The following TOP3A variants were observed in gnomAD, a reference collection of about 807,000 sequenced individuals.
The protein encoded by TOP3A is DNA topoisomerase 3-alpha.
In TOP3A, 64 loss-of-function variants were observed where a neutral mutation model predicts 111.3. That is an observed-to-expected ratio of 0.57 (90% CI 0.47 to 0.71). TOP3A has a LOEUF of 0.71. Among genes scored for constraint, TOP3A ranks in the 30% least tolerant of loss-of-function variants. The probability of loss-of-function intolerance (pLI) is 0.00; values close to 1 mark genes in which losing one functional copy is unlikely to be tolerated. For missense variants in TOP3A, 1,104 were observed against 1,285.0 expected, an observed-to-expected ratio of 0.86 and a Z score of 2.15; for synonymous variants, 484 against 485.1, an observed-to-expected ratio of 1.00 and a Z score of 0.03.
At position 18,290,626 on chromosome 17, in the gene TOP3A, C is replaced by T. The variant is rs765257578; in HGVS notation, c.1528G>A (p.Gly510Arg). The T allele has an allele frequency of 1.4e-5, 23 of 1,611,634 alleles. No homozygotes were observed. Among genetic ancestry groups the T allele is most frequent in the Admixed American group, 5.0e-5 (3 of 59,712 alleles). The part of the protein sequence containing the change: ...FQPSTVEMVD[G>R]ETSPPKLLTE... ...AGCAGCTTGGGTGGGCTGGTCTCCC[C>T]GTCCACCATCTCCACGGTGCTGGGC... The change falls in exon 13 of 19, where the codon GGG becomes AGG. Residue 510 changes from glycine (G) to arginine (R), a missense_variant. By Grantham distance (125) the Gly-to-Arg change is moderately radical. Transcript: ENST00000321105.
chr17:18,313,725 T>C (rs1424328189), intron 1 of TOP3A, among the ~76,000 whole-genome samples: 1 of 152,108 alleles, frequency 6.6e-6, no homozygotes, highest in East Asian at 1.9e-4. Flanking sequence ...CTTCTAGCAC[T>C]GGAAACAGGT....
At chr17:18,281,267 G>GA (rs975105425) in intron 16 of TOP3A, among the ~76,000 whole-genome samples, 3 of 151,334 alleles carry the variant, frequency 2.0e-5, no homozygotes, top group Non-Finnish European at 4.4e-5. Context: ...CACTATGAAG[G>GA]AAAAAAAAGC....
chr17:18,277,311 A>T (rs1021278373), intron 18 of TOP3A, among the ~76,000 whole-genome samples: 10 of 151,954 alleles, frequency 6.6e-5, no homozygotes, highest in African/African-American at 2.2e-4. Context: ...GTCTGTTGCT[A>T]TGGGACCCTG....
chr17:18,302,006 C>G (rs763854634), intron 7 of TOP3A, 21 bp from the exon 8 acceptor site: 11 of 1,601,788 alleles, frequency 6.9e-6, no homozygotes, highest in Non-Finnish European at 8.6e-6. Context: ...GAGAGACAAA[C>G]AGAAAGGCTG....
intron 7 of TOP3A, 75 bp from the exon 8 acceptor site, chr17:18,302,060 A>T: frequency 6.7e-7 from 1 of 1,485,588 alleles, no homozygotes; most frequent in Non-Finnish European, 9.3e-7. Context: ...AAAAAGGTTT[A>T]TTGTGGTGAA....
intron 8 of TOP3A, among the ~76,000 whole-genome samples, chr17:18,301,225 T>C (rs1053760785): frequency 1.3e-5 from 2 of 152,234 alleles, no homozygotes; most frequent in East Asian, 3.9e-4. Context: ...GGAAGTGGCA[T>C]CAGAAAGTAA....
chr17:18,278,500 T>A, intron 17 of TOP3A, 143 bp from the exon 18 acceptor site: 1 of 646,388 alleles, frequency 1.5e-6, no homozygotes, highest in South Asian at 3.0e-5. Context: ...TGTGAGGCCC[T>A]CTATCAGCCC....
At chr17:18,280,321 C>A in intron 17 of TOP3A, 1 of 440,786 alleles carries the variant, frequency 2.3e-6, no homozygotes, top group Non-Finnish European at 4.1e-6. Flanking sequence ...TTGCCCATGG[C>A]CCACTCCAAA....
Position 18,278,310 on chromosome 17 carries a change from A to G in TOP3A, c.2192T>C (p.Leu731Pro). 1 of 1,520,616 alleles carries G rather than the reference A, an allele frequency of 6.6e-7. No homozygotes were observed. The highest frequency in any genetic ancestry group is 8.8e-7 in the Non-Finnish European group (1 of 1,134,418). 94.2% of individuals were successfully genotyped at this position (1,520,616 alleles called of 1,614,324 possible). A position where few individuals can be genotyped will look rare whatever the true frequency, so the allele number is the denominator to read the frequency against. Residue 731 changes from leucine to proline, a missense_variant, in exon 18 of 19, where the codon CTG becomes CCG. Transcript: ENST00000321105. ...KRGSLPPTMPLEFVCCIGGCD... is the reference protein window; with the variant it reads ...KRGSLPPTMPPEFVCCIGGCD... ...TCCGCCGATGCAGCAAACAAACTCC[A>G]GAGGCATGGTCGGGGGAAGGCTACC...
At chr17:18,304,581 C>T (rs769631614) in intron 5 of TOP3A, among the ~76,000 whole-genome samples, 7 of 151,954 alleles carry the variant, frequency 4.6e-5, no homozygotes, top group Non-Finnish European at 7.4e-5. Flanking sequence ...TATTAATAGT[C>T]GAGCATTGTA....
In TOP3A at chr17:18,274,736, T is replaced by C; in HGVS notation, c.*66A>G. The C allele has an allele frequency of 1.3e-6, 2 of 1,555,114 alleles. No homozygotes were observed. Among genetic ancestry groups the C allele is most frequent in the South Asian group, 1.2e-5 (1 of 83,010 alleles). On this transcript the variant is annotated 3_prime_UTR_variant, in exon 19 of 19. Transcript: ENST00000321105. Reference sequence around the variant, plus strand: ...ACACTAAATGGCCACTTGGTCCTGGTTAACTCATTTCTAAACACAAAGGGG... The same window carrying C: ...ACACTAAATGGCCACTTGGTCCTGGCTAACTCATTTCTAAACACAAAGGGG...
intron 15 of TOP3A, among the ~76,000 whole-genome samples, chr17:18,283,191 G>A (rs1979875930): frequency 6.6e-6 from 1 of 152,138 alleles, no homozygotes; most frequent in Admixed American, 6.6e-5. Context: ...CCAACATGGT[G>A]AAACCCCGTC....
intron 5 of TOP3A, among the ~76,000 whole-genome samples, chr17:18,304,282 T>C (rs1012451263): frequency 2.6e-5 from 4 of 152,294 alleles, no homozygotes; most frequent in African/African-American, 9.6e-5. Flanking sequence ...GCAACTTTAA[T>C]CTTACTTGCT....
intron 11 of TOP3A, among the ~76,000 whole-genome samples, chr17:18,292,186 C>T (rs1980519549): frequency 1.3e-5 from 2 of 152,318 alleles, no homozygotes; most frequent in East Asian, 1.9e-4. Context: ...GCAGAGCCTG[C>T]CCCTGGCTGA....
At position 18,302,447 on chromosome 17, in the gene TOP3A, G is replaced by A; in HGVS notation, c.644-13C>T. On this transcript the variant is annotated splice_polypyrimidine_tract_variant and intron_variant, in intron 6 of 18. Transcript: ENST00000321105. The stretch of plus-strand genomic sequence containing the variant: ...GTAAAGGCAGCTCCTGGAGAGTGAA[G>A]GAGAGTGAAGGAAGGTGAAAATGAT... 3.3e-6 allele frequency: 5 copies of A among 1,516,630 alleles called. No homozygotes were observed. Among genetic ancestry groups the A allele is most frequent in the Admixed American group, 3.9e-5 (2 of 51,614 alleles). The allele number at this position is 1,516,630 out of a possible 1,614,324, so 93.9% of individuals were successfully genotyped here.
chr17:18,285,051 G>A (rs1979999699), intron 15 of TOP3A, 91 bp downstream of exon 15: 2 of 1,465,386 alleles, frequency 1.4e-6, no homozygotes, highest in Middle Eastern at 1.8e-4. Flanking sequence ...CACTTTGGGA[G>A]GCTGAGGTGG....
chr17:18,290,967 C>T lies in TOP3A; in HGVS notation c.1342G>A (p.Asp448Asn). Reference sequence around the variant, plus strand: ...ACTGTGGTCTCCTGCCCCTGAGCATCCTGGGAGCAGCAAGCCAGGAAATGG... The same window carrying T: ...ACTGTGGTCTCCTGCCCCTGAGCATTCTGGGAGCAGCAAGCCAGGAAATGG... ...VRHFLACCSQ[D>N]AQGQETTVEI... Residue 448 changes from aspartate to asparagine, a missense_variant, in exon 12 of 19, where the codon GAT (aspartate) becomes AAT (asparagine). Physicochemically the swap from Asp to Asn is conservative, Grantham distance 23. Transcript: ENST00000321105. The T allele has an allele frequency of 1.9e-6, 3 of 1,614,228 alleles. No homozygotes were observed. Among genetic ancestry groups the T allele is most frequent in the Non-Finnish European group, 2.5e-6 (3 of 1,180,048 alleles).
At chr17:18,282,862 G>A in intron 15 of TOP3A, 21 bp from the exon 16 acceptor site, 3 of 1,613,434 alleles carry the variant, frequency 1.9e-6, no homozygotes, top group Non-Finnish European at 2.5e-6. Context: ...GGCAAAGACA[G>A]ACACCCATCA....
intron 13 of TOP3A, among the ~76,000 whole-genome samples, chr17:18,287,601 A>T (rs540913937): frequency 6.6e-5 from 10 of 152,174 alleles, no homozygotes; most frequent in Non-Finnish European, 1.2e-4. Context: ...CTGTAGTCCC[A>T]GCTACTTGGG....
Sources: allele counts gnomAD v4.1 joint callset (sites outside exome capture counted in the v4.1 genomes callset), GRCh38; gene constraint gnomAD v4.1.1; transcripts MANE v1.5; gene names NCBI Gene and HGNC (gene_info 2026-07-23, HGNC 2026-07-21).